CRACD: variants seen among roughly 807,000 people sequenced by gnomAD.
CRACD encodes the protein capping protein inhibiting regulator of actin dynamics, also known as capping protein-inhibiting regulator of actin dynamics.
CRACD carries 56 observed loss-of-function variants against 106.8 expected under a neutral mutation model. The observed-to-expected ratio is 0.52, with a 90% confidence interval of 0.42 to 0.66. The LOEUF (loss-of-function observed/expected upper bound fraction) is 0.66, where lower values mean the gene tolerates loss of function less well. Ranked by LOEUF, CRACD falls within the 30% of genes least tolerant of loss-of-function variation. The pLI, the probability that CRACD is intolerant of heterozygous loss-of-function variation, is 0.00. For missense variants in CRACD, 1,730 were observed against 1,623.2 expected (o/e 1.07, Z -1.13); for synonymous variants, 754 against 670.8 (o/e 1.12, Z -1.92).
intron 1 of CRACD, among the ~76,000 whole-genome samples, chr4:56,135,228 T>A (rs903238102): frequency 6.6e-6 from 1 of 152,110 alleles, no homozygotes; most frequent in African/African-American, 2.4e-5. Context: ...GAGGTTGCAG[T>A]GAGCTGAGAT....
At chr4:56,326,741 CTT>C (rs559242636) in intron 10 of CRACD, among the ~76,000 whole-genome samples, 52 of 137,750 alleles carry the variant, frequency 3.8e-4, no homozygotes, top group Admixed American at 4.4e-4. Flanking sequence ...GGGACGGTAG[CTT>C]TTTTTTTTTT....
chr4:56,225,600 A>C (rs1278079616), intron 2 of CRACD, among the ~76,000 whole-genome samples: 5 of 151,890 alleles, frequency 3.3e-5, no homozygotes, highest in African/African-American at 1.2e-4. Context: ...TCTTTGTATA[A>C]TATTTGATTT....
At chr4:56,187,381 G>A (rs949310731) in intron 2 of CRACD, among the ~76,000 whole-genome samples, 1 of 152,044 alleles carries the variant, frequency 6.6e-6, no homozygotes, top group Non-Finnish European at 1.5e-5. Flanking sequence ...CACAATCTCC[G>A]CAGGTCACAT....
In CRACD at chr4:56,126,783, C is replaced by T. The variant is rs75825523; in HGVS notation, c.-335-52501C>T. 3.6e-3 allele frequency among the ~76,000 whole-genome samples: 541 copies of T among 152,258 alleles called. 2 individuals are homozygous for T. The highest frequency in any genetic ancestry group is 0.022 in the East Asian group (115 of 5,188). On this transcript the variant is annotated intron_variant, in intron 1 of 10. Coordinates refer to ENST00000682029, the MANE Select transcript of CRACD (RefSeq NM_001393381.1). ...CTATGAAATCAAAATATTATGATCC[C>T]ACTTGTGTTCTAACCCTATTATTTT... is the stretch of plus-strand genomic sequence containing the variant.
In CRACD at chr4:56,315,173, C is replaced by T. The variant is rs1177887222; in HGVS notation, c.1671C>T (p.Pro557=). 4.4e-6 allele frequency: 7 copies of T among 1,598,906 alleles called. 1 individual carries two copies. The highest frequency in any genetic ancestry group is 1.7e-4 in the Middle Eastern group (1 of 6,036). The change falls in exon 8 of 11, where the codon CCC becomes CCT. Residue 557 remains proline, a synonymous_variant. Coordinates refer to ENST00000682029, the MANE Select transcript of CRACD (RefSeq NM_001393381.1). This position sits in a 1 kb window ranked among gnomAD's most constrained non-coding sequence, Gnocchi z 4.1. The part of the protein sequence containing the change: ...QILFPKVNLS[P]VTPAKDTGLT... Reference sequence around the variant, plus strand: ...TCTTTCCCAAAGTCAACCTGAGCCCCGTGACGCCCGCAAAGGACACGGGGC... The same window carrying T: ...TCTTTCCCAAAGTCAACCTGAGCCCTGTGACGCCCGCAAAGGACACGGGGC...
chr4:56,207,123 A>T (rs1738160634), intron 2 of CRACD, among the ~76,000 whole-genome samples: 1 of 152,180 alleles, frequency 6.6e-6, no homozygotes, highest in Non-Finnish European at 1.5e-5. Context: ...TAAGAAACAA[A>T]AACAAAAACC....
chr4:56,092,728 G>A (rs928801702), intron 1 of CRACD, among the ~76,000 whole-genome samples: 3 of 151,856 alleles, frequency 2.0e-5, no homozygotes, highest in Middle Eastern at 3.4e-3. Context: ...CAGTCTTCCC[G>A]GTAGCTGAGA....
At chr4:56,312,608 A>G (rs1204379926) in intron 6 of CRACD, among the ~76,000 whole-genome samples, 1 of 152,182 alleles carries the variant, frequency 6.6e-6, no homozygotes, top group Non-Finnish European at 1.5e-5. Flanking sequence ...CCATACAAAG[A>G]TGAAAAAAGA....
intron 3 of CRACD, among the ~76,000 whole-genome samples, chr4:56,274,277 C>G (rs1471462293): frequency 6.6e-6 from 1 of 152,138 alleles, no homozygotes; most frequent in African/African-American, 2.4e-5. Flanking sequence ...TTTTTGGCCT[C>G]ACGGTATCAG....
At chr4:56,159,981 A>G (rs1304933619) in intron 1 of CRACD, among the ~76,000 whole-genome samples, 2 of 151,320 alleles carry the variant, frequency 1.3e-5, no homozygotes, top group East Asian at 2.0e-4. Flanking sequence ...GGGTTTCTCC[A>G]TGTTGGTCAG....
chr4:56,181,608 A>C (rs184149874), intron 2 of CRACD, among the ~76,000 whole-genome samples: 1 of 152,318 alleles, frequency 6.6e-6, no homozygotes, highest in Admixed American at 6.5e-5. Flanking sequence ...TCTGTAGGCT[A>C]GAAGTCCAAA....
intron 2 of CRACD, among the ~76,000 whole-genome samples, chr4:56,186,969 T>C (rs1737117733): frequency 6.6e-6 from 1 of 151,474 alleles, no homozygotes; most frequent in African/African-American, 2.4e-5. Context: ...ACAGGGAGAC[T>C]GAAGTGGGAG....
At chr4:56,104,269 C>G (rs1484380964) in intron 1 of CRACD, among the ~76,000 whole-genome samples, 1 of 152,194 alleles carries the variant, frequency 6.6e-6, no homozygotes, top group East Asian at 1.9e-4. Context: ...TGGCATGCGC[C>G]TATAGTCCCA....
rs901252742 is a variant in CRACD, at chr4:56,093,076, T to C, written c.-336+43777T>C. On this transcript the variant is annotated intron_variant, in intron 1 of 10. Transcript: ENST00000682029. The stretch of plus-strand genomic sequence containing the variant: ...CTAGATCCACTACTTACTGGAGTTT[T>C]TTCATAGTTTCTGTGCTTGTTTGTT... Among the ~76,000 whole-genome samples, 4 of 152,216 alleles carry C rather than the reference T, an allele frequency of 2.6e-5. No homozygotes were observed. In the South Asian group the frequency reaches 6.2e-4, roughly 24 times the overall value.
At chr4:56,268,248 CT>C in intron 2 of CRACD, among the ~76,000 whole-genome samples, 1 of 152,298 alleles carries the variant, frequency 6.6e-6, no homozygotes, top group East Asian at 1.9e-4. Flanking sequence ...TTAAATTCCC[CT>C]GACTTTATGG....
intron 2 of CRACD, among the ~76,000 whole-genome samples, chr4:56,208,439 A>G (rs1322818124): frequency 6.6e-6 from 1 of 152,200 alleles, no homozygotes; most frequent in Admixed American, 6.5e-5. Flanking sequence ...GTGAAAATAC[A>G]CTTTGACATA....
At chr4:56,281,377 C>G (rs1295396558) in intron 3 of CRACD, among the ~76,000 whole-genome samples, 1 of 152,138 alleles carries the variant, frequency 6.6e-6, no homozygotes, top group Non-Finnish European at 1.5e-5. Flanking sequence ...TTATCTTCCA[C>G]AAAACCGGTT....
intron 2 of CRACD, among the ~76,000 whole-genome samples, chr4:56,266,518 A>T (rs753735037): frequency 8.5e-5 from 13 of 152,276 alleles, no homozygotes; most frequent in Non-Finnish European, 1.9e-4. Context: ...TGCCATCTTA[A>T]ATAGTACAGT....
At chr4:56,054,946 C>T (rs764311884) in intron 1 of CRACD, among the ~76,000 whole-genome samples, 8 of 152,044 alleles carry the variant, frequency 5.3e-5, no homozygotes, top group East Asian at 3.8e-4. Context: ...GAAGAAATGT[C>T]GAAAAACTTG....
Sources: gnomAD v4.1 joint callset for allele counts (sites outside exome capture counted in the v4.1 genomes callset) on GRCh38, gnomAD v4.1.1 for gene constraint, Gnocchi (gnomAD v3.1) non-coding constraint, MANE v1.5 for transcripts, NCBI Gene and HGNC (gene_info 2026-07-23, HGNC 2026-07-21) for gene names.